AKAP19: variants seen among roughly 807,000 people sequenced by gnomAD.
AKAP19 encodes small A-kinase anchoring protein.
the AKAP19 span, chr2:190,079,642 C>G: frequency 6.6e-6 from 1 of 152,132 alleles, no homozygotes. Context: ...GAGAGCCCGT[C>G]TCTACTAAAA....
chr2:190,069,367 A>G, the AKAP19 span, among the ~76,000 whole-genome samples: 1 of 152,190 alleles, frequency 6.6e-6, no homozygotes, highest in Non-Finnish European at 1.5e-5. Flanking sequence ...GAATTGGCAA[A>G]TAATTTGTCT....
At chr2:190,048,676 G>C in the AKAP19 span, among the ~76,000 whole-genome samples, 1 of 152,184 alleles carries the variant, frequency 6.6e-6, no homozygotes, top group East Asian at 1.9e-4. Context: ...TGTGTTTAAG[G>C]CTGCAGTTCT....
chr2:189,914,873 G>A, the AKAP19 span, among the ~76,000 whole-genome samples: 245 of 152,188 alleles, frequency 1.6e-3, 1 homozygote, highest in African/African-American at 5.5e-3. Context: ...CTAGGAAGTA[G>A]TAGAGCCTGG....
the AKAP19 span, among the ~76,000 whole-genome samples, chr2:190,078,354 C>T: frequency 6.6e-6 from 1 of 152,048 alleles, no homozygotes; most frequent in African/African-American, 2.4e-5. Context: ...TTGTTTACAG[C>T]AGGAAGGTAA....
the AKAP19 span, among the ~76,000 whole-genome samples, chr2:189,987,912 G>A: frequency 2.0e-5 from 3 of 152,040 alleles, 1 homozygote; most frequent in Non-Finnish European, 4.4e-5. Flanking sequence ...TGCAGAGCTG[G>A]CTGTGCGGGA....
chr2:189,991,561 T>G, the AKAP19 span, among the ~76,000 whole-genome samples: 1 of 152,170 alleles, frequency 6.6e-6, no homozygotes, highest in African/African-American at 2.4e-5. Context: ...TCTTTCTTGC[T>G]GATTTGTTTG....
chr2:190,187,299 A>C, the AKAP19 span, among the ~76,000 whole-genome samples: 2 of 152,180 alleles, frequency 1.3e-5, no homozygotes, highest in Non-Finnish European at 2.9e-5. Flanking sequence ...TAAGAATATG[A>C]CATAAAATGG....
chr2:190,156,966 T>C, the AKAP19 span, among the ~76,000 whole-genome samples: 3 of 152,218 alleles, frequency 2.0e-5, no homozygotes, highest in East Asian at 3.8e-4. Context: ...TTTGTACTAA[T>C]GGAAGACTGG....
At chr2:190,178,830 A>G in the AKAP19 span, among the ~76,000 whole-genome samples, 1 of 152,192 alleles carries the variant, frequency 6.6e-6, no homozygotes, top group Non-Finnish European at 1.5e-5. This position sits in a 1 kb window ranked among gnomAD's most constrained non-coding sequence, Gnocchi z 6.3. Context: ...CTGGGAAGTA[A>G]AAAACACAAA....
the AKAP19 span, among the ~76,000 whole-genome samples, chr2:190,092,615 T>A: frequency 6.6e-6 from 1 of 152,178 alleles, no homozygotes; most frequent in Non-Finnish European, 1.5e-5. Flanking sequence ...AATATGTATA[T>A]GTACTATTTA....
At chr2:189,992,409 C>G in the AKAP19 span, among the ~76,000 whole-genome samples, 2 of 152,100 alleles carry the variant, frequency 1.3e-5, no homozygotes, top group African/African-American at 2.4e-5. Context: ...AAATACCATG[C>G]TGTTTTGGTA....
the AKAP19 span, among the ~76,000 whole-genome samples, chr2:189,957,776 A>G: frequency 7.2e-5 from 11 of 152,240 alleles, no homozygotes; most frequent in African/African-American, 2.6e-4. Flanking sequence ...ATTCATCAAA[A>G]GACAAAAAGA....
At chr2:190,018,535 A>T in the AKAP19 span, among the ~76,000 whole-genome samples, 1 of 151,560 alleles carries the variant, frequency 6.6e-6, no homozygotes, top group African/African-American at 2.4e-5. Flanking sequence ...CATTGATTTC[A>T]CATGTTTTCT....
chr2:190,002,684 G>A, the AKAP19 span, among the ~76,000 whole-genome samples: 6 of 152,112 alleles, frequency 3.9e-5, no homozygotes, highest in East Asian at 1.9e-4. Context: ...TTCTTAAAAC[G>A]CCTAACTGCT....
At chr2:189,916,358 G>A in the AKAP19 span, among the ~76,000 whole-genome samples, 4 of 127,802 alleles carry the variant, frequency 3.1e-5, no homozygotes, top group African/African-American at 1.2e-4. Flanking sequence ...AGACAGAGCT[G>A]TCGCCCAGGC....
the AKAP19 span, chr2:190,203,102 AT>A: frequency 6.0e-6 from 1 of 167,094 alleles, no homozygotes; most frequent in Non-Finnish European, 1.5e-5. Flanking sequence ...TGATACGCAT[AT>A]ATCCTACTCA....
At chr2:190,137,304 T>G in the AKAP19 span, among the ~76,000 whole-genome samples, 1 of 152,228 alleles carries the variant, frequency 6.6e-6, no homozygotes, top group South Asian at 2.1e-4. Flanking sequence ...ATAGTTCAAA[T>G]TCTCAAATTC....
At chr2:190,024,821 T>C in the AKAP19 span, among the ~76,000 whole-genome samples, 1 of 152,226 alleles carries the variant, frequency 6.6e-6, no homozygotes, top group Non-Finnish European at 1.5e-5. Flanking sequence ...GCCATATCTA[T>C]GTGTCTTTTG....
the AKAP19 span, among the ~76,000 whole-genome samples, chr2:190,147,835 C>T: frequency 6.6e-6 from 1 of 152,070 alleles, no homozygotes; most frequent in South Asian, 2.1e-4. Context: ...TATAGAAGAG[C>T]TACTGATTTG....
Sources: gnomAD v4.1 joint callset for allele counts (sites outside exome capture counted in the v4.1 genomes callset) on GRCh38, gnomAD v4.1.1 for gene constraint, Gnocchi (gnomAD v3.1) non-coding constraint, MANE v1.5 for transcripts, NCBI Gene and HGNC (gene_info 2026-07-23, HGNC 2026-07-21) for gene names.